Variants in RBPJ observed in about 807,000 individuals in gnomAD.
The protein encoded by RBPJ is recombining binding protein suppressor of hairless.
A neutral mutation model predicts 67.8 loss-of-function variants in RBPJ; 9 were observed. The ratio of observed to expected loss-of-function variants is 0.13; its 90% CI spans 0.08 to 0.23. RBPJ has a LOEUF of 0.23. Among genes scored for constraint, RBPJ ranks in the 10% least tolerant of loss-of-function variants. The pLI is 1.00. For missense variants in RBPJ, 305 were observed against 595.6 expected, an observed-to-expected ratio of 0.51 and a Z score of 5.08; for synonymous variants, 198 against 203.3, an observed-to-expected ratio of 0.97 and a Z score of 0.22.
chr4:26,370,720 A>G (rs1479272596), intron 1 of RBPJ, among the ~76,000 whole-genome samples: 1 of 152,180 alleles, frequency 6.6e-6, no homozygotes, highest in African/African-American at 2.4e-5. Context: ...CATAGGAAAG[A>G]TAGTTCTATC....
intron 1 of RBPJ, among the ~76,000 whole-genome samples, chr4:26,190,922 G>A (rs955694160): frequency 1.3e-5 from 2 of 151,676 alleles, no homozygotes. Context: ...GAGGCAGGAG[G>A]ATCACTTGAG....
intron 1 of RBPJ, among the ~76,000 whole-genome samples, chr4:26,248,073 A>G (rs1246951858): frequency 1.3e-5 from 2 of 152,116 alleles, no homozygotes; most frequent in African/African-American, 4.8e-5. Context: ...GCGGGGCATC[A>G]TGAGGTCTGG....
intron 1 of RBPJ, among the ~76,000 whole-genome samples, chr4:26,308,182 G>A (rs1482839216): frequency 1.3e-5 from 2 of 152,252 alleles, no homozygotes; most frequent in East Asian, 1.9e-4. Context: ...AGGCTGAGGC[G>A]GGAGAATGGC....
intron 1 of RBPJ, among the ~76,000 whole-genome samples, chr4:26,348,726 C>T (rs1467117000): frequency 2.0e-5 from 3 of 151,616 alleles, no homozygotes; most frequent in Non-Finnish European, 2.9e-5. Flanking sequence ...GTTTTTGAGA[C>T]AAGGTCTCAC....
At chr4:26,363,390 G>C (rs888121142) in intron 1 of RBPJ, among the ~76,000 whole-genome samples, 2 of 151,364 alleles carry the variant, frequency 1.3e-5, no homozygotes, top group African/African-American at 4.9e-5. Context: ...CACCTGCTTC[G>C]GCCTCCGAAA....
upstream of RBPJ, among the ~76,000 whole-genome samples, chr4:26,318,894 G>A (rs917490221): frequency 6.6e-6 from 1 of 150,810 alleles, no homozygotes; most frequent in South Asian, 2.1e-4. Context: ...CTACTCAGGA[G>A]GCTGCGGCAG....
chr4:26,288,801 AC>A (rs1172664418), intron 1 of RBPJ, among the ~76,000 whole-genome samples: 1 of 152,220 alleles, frequency 6.6e-6, no homozygotes, highest in Non-Finnish European at 1.5e-5. Flanking sequence ...CAGTGGAACA[AC>A]AGCATTAATA....
chr4:26,117,227 G>A, the RBPJ span, among the ~76,000 whole-genome samples: 1 of 152,010 alleles, frequency 6.6e-6, no homozygotes, highest in Non-Finnish European at 1.5e-5. Flanking sequence ...CCTGCCCCAT[G>A]CGGCTACCCC....
At chr4:26,359,338 C>A (rs1253876002) in intron 1 of RBPJ, among the ~76,000 whole-genome samples, 1 of 151,606 alleles carries the variant, frequency 6.6e-6, no homozygotes, top group Non-Finnish European at 1.5e-5. Context: ...ATAATTTAAC[C>A]ATTCCCCTGT....
At chr4:26,421,504 A>G (rs774082597) in intron 5 of RBPJ, among the ~76,000 whole-genome samples, 7 of 152,002 alleles carry the variant, frequency 4.6e-5, no homozygotes, top group Non-Finnish European at 1.0e-4. Flanking sequence ...AGGTTTCGCC[A>G]TTTGGCCAGG....
chr4:26,205,315 A>G (rs958116662), intron 1 of RBPJ, among the ~76,000 whole-genome samples: 2 of 152,220 alleles, frequency 1.3e-5, no homozygotes, highest in African/African-American at 4.8e-5. Context: ...CCCTCTGCAC[A>G]GTGTAGAAGA....
chr4:26,353,433 GTTAC>G (rs1727012476), intron 1 of RBPJ, among the ~76,000 whole-genome samples: 1 of 152,114 alleles, frequency 6.6e-6, no homozygotes, highest in African/African-American at 2.4e-5. Context: ...CTTCCTGCAA[GTTAC>G]TTCACAACTT....
intron 3 of RBPJ, among the ~76,000 whole-genome samples, chr4:26,407,927 G>C: frequency 1.0e-5 from 1 of 99,930 alleles, no homozygotes; most frequent in Admixed American, 1.6e-4. Flanking sequence ...CAGGGTCTCT[G>C]TTGCCCTGGC....
intron 1 of RBPJ, among the ~76,000 whole-genome samples, chr4:26,380,409 C>G (rs1027597655): frequency 1.3e-5 from 2 of 152,074 alleles, no homozygotes. Context: ...GTGCTTAATA[C>G]TATTTGGTGA....
intron 1 of RBPJ, among the ~76,000 whole-genome samples, chr4:26,183,699 G>T (rs1717104639): frequency 6.6e-6 from 1 of 152,158 alleles, no homozygotes; most frequent in African/African-American, 2.4e-5. Context: ...TAATAGCCCA[G>T]ATGGTCTGTC....
At chr4:26,258,925 T>C (rs956284998) in intron 1 of RBPJ, among the ~76,000 whole-genome samples, 1 of 152,116 alleles carries the variant, frequency 6.6e-6, no homozygotes, top group Admixed American at 6.5e-5. Flanking sequence ...TGTCTCAGCC[T>C]CCTGAGTAGC....
At chr4:26,429,100 CCAGGGTTCTTAATTGA>C (rs1735961845) in intron 8 of RBPJ, among the ~76,000 whole-genome samples, 2 of 152,134 alleles carry the variant, frequency 1.3e-5, no homozygotes, top group Admixed American at 6.5e-5. Flanking sequence ...ACATCTAGTT[CCAGGGTTCTTAATTGA>C]AGAACAAAGA....
Position 26,321,066 on chromosome 4 carries a change from G to C in RBPJ, c.20+18G>C, listed in dbSNP as rs1722976954. The C allele has an allele frequency of 1.3e-6, 2 of 1,585,766 alleles. No individual in the cohort carries two copies. Among genetic ancestry groups the C allele is most frequent in the Non-Finnish European group, 8.6e-7 (1 of 1,156,224 alleles). ...GTGACAGGGTAAGTCTGAGGGAATC[G>C]GAGCGCCGGGAACCGGGAAAGTTGC... On this transcript the variant is annotated intron_variant, in intron 1 of 10. Transcript: ENST00000355476.
At chr4:26,155,893 A>G in the RBPJ span, among the ~76,000 whole-genome samples, 1 of 152,216 alleles carries the variant, frequency 6.6e-6, no homozygotes, top group African/African-American at 2.4e-5. Context: ...GAAATTGACC[A>G]TGTTGAGAAG....
Sources: gnomAD v4.1 joint callset for allele counts (sites outside exome capture counted in the v4.1 genomes callset) on GRCh38, gnomAD v4.1.1 for gene constraint, MANE v1.5 for transcripts, NCBI Gene and HGNC (gene_info 2026-07-23, HGNC 2026-07-21) for gene names.